UGGT2: variants seen among roughly 807,000 people sequenced by gnomAD.
UGGT2 encodes UDP-glucose glycoprotein glucosyltransferase 2, also known as UDP-glucose:glycoprotein glucosyltransferase 2.
UGGT2 carries 180 observed loss-of-function variants against 192.1 expected under a neutral mutation model. The observed-to-expected ratio is 0.94, with a 90% CI of 0.83 to 1.06. The LOEUF (loss-of-function observed/expected upper bound fraction) is 1.06, where lower values mean the gene tolerates loss of function less well. UGGT2 is among the 50% of genes least tolerant of loss of function. The pLI is 0.00. For missense variants in UGGT2, 1,849 were observed against 1,795.7 expected (o/e 1.03, Z -0.54); for synonymous variants, 580 against 591.0 (o/e 0.98, Z 0.27).
At chr13:95,808,784 C>T (rs1412005769) in intron 38 of UGGT2, among the ~76,000 whole-genome samples, 1 of 152,148 alleles carries the variant, frequency 6.6e-6, no homozygotes, top group Non-Finnish European at 1.5e-5. Flanking sequence ...TCATTCACAG[C>T]ACATTCACAA....
At chr13:95,813,932 A>T (rs1007958066) in intron 38 of UGGT2, among the ~76,000 whole-genome samples, 4 of 152,206 alleles carry the variant, frequency 2.6e-5, no homozygotes, top group African/African-American at 9.6e-5. Context: ...CAGAGGGTGC[A>T]AGCCATTAGC....
intron 4 of UGGT2, among the ~76,000 whole-genome samples, chr13:96,020,874 T>C (rs2052493882): frequency 6.6e-6 from 1 of 152,206 alleles, no homozygotes; most frequent in Non-Finnish European, 1.5e-5. Context: ...CTTTTATTCT[T>C]TTATGGATTC....
intron 36 of UGGT2, among the ~76,000 whole-genome samples, chr13:95,852,816 G>T (rs1399700559): frequency 6.6e-6 from 1 of 152,162 alleles, no homozygotes; most frequent in East Asian, 1.9e-4. Flanking sequence ...ATATCAGGGT[G>T]GGGGTGCACT....
At position 95,940,008 on chromosome 13, in the gene UGGT2, A is replaced by G; in HGVS notation, c.1761T>C (p.Ala587=). Residue 587 remains alanine (A), a synonymous_variant, in exon 16 of 39, where the codon GCT becomes GCC. Coordinates refer to ENST00000376747, the MANE Select transcript of UGGT2 (RefSeq NM_020121.4). ...GAATTCCCAAAATATCCCAAATATT[A>G]GCATGAGGAAATGTATTTTGGAGAA... ...KSVLQNTFPH[A]NIWDILGIHS... The G allele has an allele frequency of 6.2e-7, 1 of 1,601,758 alleles. No individual in the cohort carries two copies. Among genetic ancestry groups the G allele is most frequent in the South Asian group, 1.1e-5 (1 of 89,012 alleles).
At chr13:95,863,405 G>A in intron 31 of UGGT2, 1 of 385,684 alleles carries the variant, frequency 2.6e-6, no homozygotes, top group East Asian at 3.8e-5. Flanking sequence ...CCTTGTAAGT[G>A]GATATATAAT....
At chr13:95,946,910 G>A (rs2049889007) in intron 15 of UGGT2, 127 bp downstream of exon 15, 9 of 1,012,818 alleles carry the variant, frequency 8.9e-6, no homozygotes, top group Non-Finnish European at 1.2e-5. Flanking sequence ...TAATCTCCAT[G>A]ACAGTTTATA....
At chr13:96,014,094 G>T (rs1349097542) in intron 4 of UGGT2, among the ~76,000 whole-genome samples, 1 of 152,130 alleles carries the variant, frequency 6.6e-6, no homozygotes, top group Non-Finnish European at 1.5e-5. Flanking sequence ...CTGAGGCTCA[G>T]ATAAGTTAAC....
chr13:95,969,365 G>A (rs753746744), intron 12 of UGGT2, among the ~76,000 whole-genome samples: 1 of 152,002 alleles, frequency 6.6e-6, no homozygotes, highest in Non-Finnish European at 1.5e-5. Flanking sequence ...ACAACTTCTG[G>A]GTCTTGCAAG....
Position 95,895,304 on chromosome 13 carries a change from A to G in UGGT2, c.2635T>C (p.Phe879Leu), listed in dbSNP as rs777636748. 2 of 1,422,240 alleles carry G rather than the reference A, an allele frequency of 1.4e-6. No homozygotes were observed. The highest frequency in any genetic ancestry group is 1.9e-6 in the Non-Finnish European group (2 of 1,044,206). The allele number at this position is 1,422,240 out of a possible 1,614,324, so 88.1% of individuals were successfully genotyped here. Residue 879 changes from phenylalanine to leucine, a missense_variant and splice_region_variant, in exon 23 of 39, where the codon TTC becomes CTC. Physicochemically the swap from Phe to Leu is conservative, Grantham distance 22 (BLOSUM62 0). Transcript: ENST00000376747. ...GEMGIVSNGR[F>L]LGPLDEDFYA... ...AAATCTTCATCTAAAGGTCCTAAGA[A>G]CTTAAAATAAAAACAGTTATATTAT...
intron 21 of UGGT2, among the ~76,000 whole-genome samples, chr13:95,901,697 G>C (rs2048109476): frequency 1.3e-5 from 2 of 152,188 alleles, no homozygotes; most frequent in African/African-American, 4.8e-5. Flanking sequence ...CTTTCAAAAT[G>C]TGGCTACTAT....
chr13:95,862,730 A>G (rs762277658), intron 31 of UGGT2, among the ~76,000 whole-genome samples: 11 of 152,210 alleles, frequency 7.2e-5, no homozygotes, highest in Non-Finnish European at 1.6e-4. Flanking sequence ...ACAAAAGTCT[A>G]TCTTAAAATG....
At chr13:96,000,469 G>A (rs558312557) in intron 5 of UGGT2, among the ~76,000 whole-genome samples, 1 of 152,184 alleles carries the variant, frequency 6.6e-6, no homozygotes, top group East Asian at 1.9e-4. Context: ...TAATTTCTCA[G>A]GCCCACATTA....
chr13:95,891,142 T>C (rs2047790676), intron 24 of UGGT2, among the ~76,000 whole-genome samples, 178 bp from the exon 25 acceptor site: 1 of 152,082 alleles, frequency 6.6e-6, no homozygotes. Context: ...ATTACAAAAC[T>C]GAAAAGAATG....
chr13:95,927,272 C>A lies in UGGT2; in HGVS notation c.2042G>T (p.Arg681Leu). 6.2e-7 allele frequency: 1 copy of A among 1,612,186 alleles called. No homozygotes were observed. The highest frequency in any genetic ancestry group is 1.1e-5 in the South Asian group (1 of 90,856). The change falls in exon 18 of 39, where the codon CGT becomes CTT. Residue 681 changes from arginine (R) to leucine (L), a missense_variant. Arg to Leu is a moderately radical substitution (Grantham distance 102, BLOSUM62 -2). Transcript: ENST00000376747. Reference protein sequence around the residue: ...FLMDRNNVVPRINTLILRTNQ... With the variant: ...FLMDRNNVVPLINTLILRTNQ... ...AGTACGCAAAATCAAAGTATTTATA[C>A]GGGGTACAACATTATTCCTATCCAT... is the stretch of plus-strand genomic sequence containing the variant.
chr13:95,894,454 A>G, intron 24 of UGGT2, 108 bp downstream of exon 24: 2 of 827,266 alleles, frequency 2.4e-6, no homozygotes, highest in Non-Finnish European at 3.8e-6. Flanking sequence ...TTATTCCCTA[A>G]TAAATAACTT....
chr13:95,856,728 T>A, intron 33 of UGGT2: 1 of 366,206 alleles, frequency 2.7e-6, no homozygotes, highest in South Asian at 2.2e-5. Flanking sequence ...AACAGGTTGG[T>A]TGGTCAGAGA....
rs567980980 is a variant in UGGT2, at chr13:95,934,503, G to A, written c.1977+2421C>T. Among the ~76,000 whole-genome samples the A allele has an allele frequency of 3.9e-5, 6 of 152,230 alleles. No individual in the cohort carries two copies. The South Asian group carries it at 1.2e-3, about 32-fold the overall frequency. On this transcript the variant is annotated intron_variant, in intron 17 of 38. Coordinates refer to ENST00000376747, the MANE Select transcript of UGGT2 (RefSeq NM_020121.4). ...GAGCCAGCTAAGAACTTCATGACAG[G>A]CTCAAAACCTCATGTACCAATATTA... is the stretch of plus-strand genomic sequence containing the variant.
intron 6 of UGGT2, among the ~76,000 whole-genome samples, chr13:95,998,310 A>G (rs549003695): frequency 6.6e-6 from 1 of 152,374 alleles, no homozygotes; most frequent in Non-Finnish European, 1.5e-5. Context: ...AGAGTAAATT[A>G]TAAAGCATTG....
chr13:95,911,777 A>G (rs2048506635), intron 20 of UGGT2, among the ~76,000 whole-genome samples: 1 of 152,128 alleles, frequency 6.6e-6, no homozygotes. Context: ...GCAGAAACAC[A>G]ACAAAAAAAA....
Sources: gnomAD v4.1 joint callset for allele counts (sites outside exome capture counted in the v4.1 genomes callset) on GRCh38, gnomAD v4.1.1 for gene constraint, MANE v1.5 for transcripts, NCBI Gene and HGNC (gene_info 2026-07-23, HGNC 2026-07-21) for gene names.